DNAH17: variants seen among roughly 807,000 people sequenced by gnomAD.
DNAH17 encodes the protein dynein axonemal heavy chain 17, also known as axonemal beta dynein heavy chain 17.
Under a neutral mutation model 485.6 loss-of-function variants are expected in DNAH17, and 376 were observed. The ratio of observed to expected loss-of-function variants is 0.77; its 90% CI spans 0.71 to 0.84. The LOEUF (loss-of-function observed/expected upper bound fraction) is 0.84, where lower values mean the gene tolerates loss of function less well. Ranked by LOEUF, DNAH17 falls within the 40% of genes least tolerant of loss-of-function variation. The pLI is 0.00. For synonymous variants in DNAH17, 3,031 were observed against 2,405.9 expected, an observed-to-expected ratio of 1.26 and a Z score of -7.60; for missense variants, 6,370 against 5,839.3, an observed-to-expected ratio of 1.09 and a Z score of -2.96.
In DNAH17 at chr17:78,423,993, G is replaced by A. The variant is rs190586281; in HGVS notation, c.13302C>T (p.Pro4434=). 334 of 1,614,034 alleles carry A rather than the reference G, an allele frequency of 2.1e-4. 2 individuals carry two copies. The East Asian group carries it at 6.1e-3, about 30-fold the overall frequency. The change falls in exon 81 of 81, where the codon CCC becomes CCT. Residue 4434 remains proline, a synonymous_variant. Coordinates refer to ENST00000389840, the MANE Select transcript of DNAH17 (RefSeq NM_173628.4). ...CPVYKTRIRG[P]TYVWTFNLKT... is the part of the protein sequence containing the mutation. ...TCAAGTTAAAGGTCCAGACATAGGT[G>A]GGGCCGCGGATGCGTGTTTTGTACA...
intron 48 of DNAH17, 63 bp downstream of exon 48, chr17:78,484,805 G>A (rs1362708144): frequency 8.8e-6 from 10 of 1,135,282 alleles, no homozygotes; most frequent in South Asian, 3.5e-5. Context: ...CCTGCGCCCC[G>A]CCCTGGCCCC....
chr17:78,445,698 T>C lies in DNAH17; in HGVS notation c.11212-18A>G, dbSNP rs1388929146. ...GACAGGACCTGGGGGAACATCGAGG[T>C]GTACACACTTAACGCAGCCAGTAAA... On this transcript the variant is annotated intron_variant, in intron 69 of 80. Transcript: ENST00000389840. 3 of 1,587,636 alleles carry C rather than the reference T, an allele frequency of 1.9e-6. No homozygotes were observed. Among genetic ancestry groups the C allele is most frequent in the East Asian group, 2.3e-5 (1 of 43,668 alleles).
In DNAH17 at chr17:78,514,918, C is replaced by G. The variant is rs1458883986; in HGVS notation, c.3969G>C (p.Leu1323Phe). ...CATCCCAGGTTTTCATCTCCTTGTCCAAAGACCTCATGTCCTTGGCAAACT... is the reference window on the plus strand; with the variant it reads ...CATCCCAGGTTTTCATCTCCTTGTCGAAAGACCTCATGTCCTTGGCAAACT... ...CKKFAKDMRS[L>F]DKEMKTWDAF... Residue 1323 changes from leucine (L) to phenylalanine (F), a missense_variant, in exon 26 of 81, where the codon TTG becomes TTC. By Grantham distance (22) the Leu-to-Phe change is conservative. Transcript: ENST00000389840. The G allele has an allele frequency of 1.2e-6, 2 of 1,614,044 alleles. No individual in the cohort carries two copies. Among genetic ancestry groups the G allele is most frequent in the East Asian group, 4.5e-5 (2 of 44,884 alleles).
intron 62 of DNAH17, among the ~76,000 whole-genome samples, chr17:78,457,627 G>A (rs1208789356): frequency 1.3e-5 from 2 of 149,556 alleles, no homozygotes; most frequent in African/African-American, 4.9e-5. Flanking sequence ...TCCAAGTGCT[G>A]GGACTACAGG....
At chr17:78,576,884 T>C (rs2092440594) in intron 1 of DNAH17, among the ~76,000 whole-genome samples, 1 of 152,178 alleles carries the variant, frequency 6.6e-6, no homozygotes, top group African/African-American at 2.4e-5. Flanking sequence ...ACCCAGCCGT[T>C]TCCTGGGCTG....
chr17:78,510,841 G>A (rs2090618337), intron 26 of DNAH17, among the ~76,000 whole-genome samples: 1 of 152,052 alleles, frequency 6.6e-6, no homozygotes, highest in Non-Finnish European at 1.5e-5. Context: ...ATCTTGAGGT[G>A]AGTTCATCCT....
At chr17:78,535,128 G>C (rs2091341531) in intron 19 of DNAH17, among the ~76,000 whole-genome samples, 2 of 152,226 alleles carry the variant, frequency 1.3e-5, no homozygotes, top group Non-Finnish European at 2.9e-5. Flanking sequence ...CAGCCTGAGT[G>C]TTTGTGCTGG....
At chr17:78,570,405 G>C in intron 6 of DNAH17, 33 bp from the exon 7 acceptor site, 1 of 1,598,556 alleles carries the variant, frequency 6.3e-7, no homozygotes, top group Non-Finnish European at 8.5e-7. Flanking sequence ...ACACTGGAGG[G>C]GACTGGCCGC....
In DNAH17 at chr17:78,500,300, C is replaced by T. The variant is rs140543216; in HGVS notation, c.5640+5G>A. 181 of 1,609,172 alleles carry T rather than the reference C, an allele frequency of 1.1e-4. No individual in the cohort carries two copies. Among genetic ancestry groups the T allele is most frequent in the Non-Finnish European group, 1.4e-4 (164 of 1,177,966 alleles). ...GGGTCCCTCCTCCGGACCCCGGCCG[C>T]GTACCTTGTAGTCCATCTGCTCGGA... On this transcript the variant is annotated splice_donor_5th_base_variant and intron_variant, in intron 36 of 80. Transcript: ENST00000389840.
At chr17:78,570,824 C>T in intron 6 of DNAH17, 124 bp downstream of exon 6, 1 of 703,692 alleles carries the variant, frequency 1.4e-6, no homozygotes, top group Non-Finnish European at 2.2e-6. Context: ...CGCCACAGCA[C>T]TCTAGCCTGG....
At position 78,567,033 on chromosome 17, in the gene DNAH17, T is replaced by C. The variant is rs2092278899; in HGVS notation, c.1418A>G (p.Asp473Gly). 6.2e-7 allele frequency: 1 copy of C among 1,613,652 alleles called. No homozygotes were observed. The highest frequency in any genetic ancestry group is 8.5e-7 in the Non-Finnish European group (1 of 1,179,798). The change falls in exon 10 of 81, where the codon GAC (aspartate) becomes GGC (glycine). Residue 473 changes from aspartate (D) to glycine (G), a missense_variant. Asp to Gly is a moderately conservative substitution (Grantham distance 94). Transcript: ENST00000389840. Reference protein sequence around the residue: ...EVFELVKVFADCKYDPLDPGD... With the variant: ...EVFELVKVFAGCKYDPLDPGD... ...AGGGTCCAAGGGATCATATTTGCAG[T>C]CGGCAAAAACCTTCACCAGCTCAAA...
intron 44 of DNAH17, among the ~76,000 whole-genome samples, chr17:78,487,168 T>G (rs947928911): frequency 6.6e-6 from 1 of 152,156 alleles, no homozygotes; most frequent in East Asian, 1.9e-4. Context: ...GTGTGGACTC[T>G]GGGGCCTGAC....
chr17:78,454,436 C>T (rs1344341382), intron 64 of DNAH17, 34 bp downstream of exon 64: 18 of 1,563,302 alleles, frequency 1.2e-5, no homozygotes, highest in African/African-American at 5.4e-5. Flanking sequence ...CAAGCAGAGC[C>T]GGGCTTCGGC....
intron 44 of DNAH17, among the ~76,000 whole-genome samples, chr17:78,486,798 G>A (rs1598558682): frequency 6.6e-6 from 1 of 152,126 alleles, no homozygotes; most frequent in Non-Finnish European, 1.5e-5. Flanking sequence ...CTACCACACG[G>A]GAAGCACATA....
At chr17:78,544,345 G>C (rs1303353091) in intron 16 of DNAH17, among the ~76,000 whole-genome samples, 2 of 152,204 alleles carry the variant, frequency 1.3e-5, no homozygotes, top group African/African-American at 4.8e-5. Flanking sequence ...GCGTCGAGGA[G>C]TGTGTGGTCA....
intron 16 of DNAH17, among the ~76,000 whole-genome samples, chr17:78,548,882 C>G (rs2091837889): frequency 1.3e-5 from 2 of 152,266 alleles, no homozygotes; most frequent in African/African-American, 4.8e-5. Context: ...CCCGGCTCTG[C>G]TTCCGCACCT....
At position 78,503,019 on chromosome 17, in the gene DNAH17, C is replaced by T. The variant is rs573945829; in HGVS notation, c.4957-8G>A. On this transcript the variant is annotated splice_region_variant and splice_polypyrimidine_tract_variant and intron_variant, in intron 31 of 80. Coordinates refer to ENST00000389840, the MANE Select transcript of DNAH17 (RefSeq NM_173628.4). Reference sequence around the variant, plus strand: ...ATTCAGCCACACTTCCACCTGGGGACGGGAGCCACGGTGACCAATACAGCC... The same window carrying T: ...ATTCAGCCACACTTCCACCTGGGGATGGGAGCCACGGTGACCAATACAGCC... 23 of 1,612,036 alleles carry T rather than the reference C, an allele frequency of 1.4e-5. No homozygotes were observed. In the South Asian group the frequency reaches 1.9e-4, roughly 13 times the overall value.
At chr17:78,491,663 G>T (rs1434701287) in intron 42 of DNAH17, 93 bp from the exon 43 acceptor site, 19 of 1,493,008 alleles carry the variant, frequency 1.3e-5, no homozygotes, top group Non-Finnish European at 1.7e-5. Context: ...CTCTGGGAGG[G>T]AGCCTGTCCC....
intron 24 of DNAH17, among the ~76,000 whole-genome samples, chr17:78,525,519 A>G (rs2091044760): frequency 6.6e-6 from 1 of 152,268 alleles, no homozygotes; most frequent in Non-Finnish European, 1.5e-5. Flanking sequence ...AATGCTTTGA[A>G]AATGAGATAA....
Sources: allele counts gnomAD v4.1 joint callset (sites outside exome capture counted in the v4.1 genomes callset), GRCh38; gene constraint gnomAD v4.1.1; transcripts MANE v1.5; gene names NCBI Gene and HGNC (gene_info 2026-07-23, HGNC 2026-07-21).